Variants in MIPOL1 observed in about 807,000 individuals in gnomAD.
MIPOL1 encodes the protein mirror-image polydactyly 1, also known as mirror-image polydactyly gene 1 protein.
Under a neutral mutation model 60.9 loss-of-function variants are expected in MIPOL1, and 57 were observed. That is an observed-to-expected ratio of 0.94 (90% CI 0.76 to 1.17). The LOEUF is 1.17. Among genes scored for constraint, MIPOL1 ranks in the 50% most tolerant of loss-of-function variants. The probability of loss-of-function intolerance (pLI) is 0.00; values close to 1 mark genes in which losing one functional copy is unlikely to be tolerated. For synonymous variants in MIPOL1, 179 were observed against 168.8 expected, an observed-to-expected ratio of 1.06 and a Z score of -0.47; for missense variants, 551 against 511.6, an observed-to-expected ratio of 1.08 and a Z score of -0.74.
intron 1 of MIPOL1, among the ~76,000 whole-genome samples, chr14:37,204,271 G>T (rs1965748958): frequency 6.6e-6 from 1 of 152,226 alleles, no homozygotes; most frequent in Non-Finnish European, 1.5e-5. Flanking sequence ...GATTGCAAAT[G>T]TGTATTGTTT....
intron 1 of MIPOL1, among the ~76,000 whole-genome samples, chr14:37,238,444 A>G (rs946595405): frequency 6.6e-6 from 1 of 152,150 alleles, no homozygotes; most frequent in Non-Finnish European, 1.5e-5. Flanking sequence ...CAGGAGGCAT[A>G]TAATGTTTGT....
chr14:37,452,809 T>A (rs2094437600), intron 11 of MIPOL1, among the ~76,000 whole-genome samples: 1 of 152,194 alleles, frequency 6.6e-6, no homozygotes, highest in African/African-American at 2.4e-5. Flanking sequence ...CTTTAAAGCC[T>A]TGTGCTTTAA....
At chr14:37,533,033 AT>A (rs2095488915) in intron 12 of MIPOL1, among the ~76,000 whole-genome samples, 1 of 152,106 alleles carries the variant, frequency 6.6e-6, no homozygotes, top group East Asian at 1.9e-4. Context: ...GCTTTATAAC[AT>A]TTTCTATATT....
intron 1 of MIPOL1, among the ~76,000 whole-genome samples, chr14:37,231,242 C>T (rs1970584857): frequency 6.6e-6 from 1 of 152,090 alleles, no homozygotes; most frequent in East Asian, 1.9e-4. Flanking sequence ...CACTCACCAC[C>T]ATGCCCAGCT....
At chr14:37,499,133 A>G (rs1169707958) in intron 11 of MIPOL1, among the ~76,000 whole-genome samples, 1 of 152,076 alleles carries the variant, frequency 6.6e-6, no homozygotes, top group Admixed American at 6.6e-5. Flanking sequence ...AAATGTCTTT[A>G]TTTAATTGAG....
chr14:37,223,803 T>G (rs1228025472), intron 1 of MIPOL1, among the ~76,000 whole-genome samples: 1 of 152,186 alleles, frequency 6.6e-6, no homozygotes, highest in Admixed American at 6.5e-5. Flanking sequence ...GCCTGGCCCC[T>G]CCTGGGTGTT....
At chr14:37,282,238 ATATTATTATTAT>A (rs71124802) in intron 6 of MIPOL1, among the ~76,000 whole-genome samples, 30 of 146,364 alleles carry the variant, frequency 2.0e-4, no homozygotes, top group African/African-American at 4.0e-4. Context: ...TATTGCAGTA[ATATTATTATTAT>A]TATTATTATT....
chr14:37,296,850 A>C (rs1291306497), intron 7 of MIPOL1, among the ~76,000 whole-genome samples: 11 of 152,178 alleles, frequency 7.2e-5, no homozygotes, highest in South Asian at 2.1e-4. Flanking sequence ...GACCAGATGG[A>C]TTCACAGCCG....
rs2093892220 is a variant in MIPOL1 at position 37,422,571 on chromosome 14, A to T, written c.937-284A>T. 4.6e-5 allele frequency among the ~76,000 whole-genome samples: 7 copies of T among 152,186 alleles called. No individual in the cohort carries two copies. In the South Asian group the frequency reaches 1.4e-3, roughly 32 times the overall value. ...ATGTTCCACTTTCTGAATTCTGTGTATAAAGTTAAACATTGCAGAAGGGCA... is the reference window on the plus strand; with the variant it reads ...ATGTTCCACTTTCTGAATTCTGTGTTTAAAGTTAAACATTGCAGAAGGGCA... On this transcript the variant is annotated intron_variant, in intron 10 of 12. Coordinates refer to ENST00000684589, the MANE Select transcript of MIPOL1 (RefSeq NM_001388067.1).
rs146997365 is a variant in MIPOL1, at chr14:37,529,382, C to T, written c.1263-17523C>T. Reference sequence around the variant, plus strand: ...AAGCATTTCATACCTCCTTTGCCCACGAGAATTTTATACTGCTGGTTTTGA... The same window carrying T: ...AAGCATTTCATACCTCCTTTGCCCATGAGAATTTTATACTGCTGGTTTTGA... On this transcript the variant is annotated intron_variant, in intron 12 of 12. Transcript: ENST00000684589. 4.1e-3 allele frequency among the ~76,000 whole-genome samples: 622 copies of T among 152,256 alleles called. 6 individuals carry two copies. Among genetic ancestry groups the T allele is most frequent in the African/African-American group, 0.013 (532 of 41,554 alleles).
chr14:37,290,776 G>T (rs2084984177), intron 7 of MIPOL1, among the ~76,000 whole-genome samples: 2 of 152,126 alleles, frequency 1.3e-5, no homozygotes, highest in Non-Finnish European at 2.9e-5. Context: ...AACTTGGGTT[G>T]TGGGGTTTTT....
intron 4 of MIPOL1, among the ~76,000 whole-genome samples, chr14:37,267,896 A>G (rs2083001379): frequency 6.6e-6 from 1 of 152,086 alleles, no homozygotes; most frequent in Non-Finnish European, 1.5e-5. Flanking sequence ...TGATGCTTTT[A>G]AAAGGGCCTT....
intron 11 of MIPOL1, among the ~76,000 whole-genome samples, chr14:37,453,311 C>G (rs149203298): frequency 6.6e-6 from 1 of 151,766 alleles, no homozygotes; most frequent in South Asian, 2.1e-4. Context: ...AACAGGGAGG[C>G]GCTTAGTGGT....
At chr14:37,307,549 C>T (rs1459242929) in intron 7 of MIPOL1, among the ~76,000 whole-genome samples, 1 of 151,958 alleles carries the variant, frequency 6.6e-6, no homozygotes, top group Non-Finnish European at 1.5e-5. Context: ...CCTTCCTATG[C>T]ATTTGTTTCA....
chr14:37,494,196 G>A (rs996813037), intron 11 of MIPOL1, among the ~76,000 whole-genome samples: 1 of 152,046 alleles, frequency 6.6e-6, no homozygotes, highest in Non-Finnish European at 1.5e-5. Context: ...AAGTTCTTAA[G>A]GAATGTATTC....
intron 9 of MIPOL1, among the ~76,000 whole-genome samples, chr14:37,318,312 A>T (rs1468213111): frequency 2.0e-5 from 3 of 152,212 alleles, no homozygotes; most frequent in Non-Finnish European, 2.9e-5. Flanking sequence ...CAAAATAATG[A>T]TGTTTAAAAT....
At chr14:37,230,815 T>C (rs1186749206) in intron 1 of MIPOL1, among the ~76,000 whole-genome samples, 2 of 152,186 alleles carry the variant, frequency 1.3e-5, no homozygotes, top group Non-Finnish European at 2.9e-5. Flanking sequence ...ATTGTGCTAC[T>C]GCATGGCAAA....
chr14:37,465,881 C>T (rs1453630076), intron 11 of MIPOL1, among the ~76,000 whole-genome samples: 1 of 152,096 alleles, frequency 6.6e-6, no homozygotes, highest in Non-Finnish European at 1.5e-5. Context: ...CATTTCTAGA[C>T]AGGACCTAAG....
intron 6 of MIPOL1, among the ~76,000 whole-genome samples, chr14:37,285,041 T>C (rs1411521124): frequency 6.6e-6 from 1 of 152,212 alleles, no homozygotes; most frequent in Non-Finnish European, 1.5e-5. Context: ...CTATCTGCAA[T>C]ATGTGTGAGA....
Sources: allele counts gnomAD v4.1 joint callset (sites outside exome capture counted in the v4.1 genomes callset), GRCh38; gene constraint gnomAD v4.1.1; transcripts MANE v1.5; gene names NCBI Gene and HGNC (gene_info 2026-07-23, HGNC 2026-07-21).